TENM4: variants seen among roughly 807,000 people sequenced by gnomAD.
The protein encoded by TENM4 is teneurin transmembrane protein 4.
TENM4 carries 82 observed loss-of-function variants against 243.3 expected under a neutral mutation model. The observed-to-expected ratio is 0.34, with a 90% CI of 0.28 to 0.40. The LOEUF is 0.40. Among genes scored for constraint, TENM4 ranks in the 10% least tolerant of loss-of-function variants. The pLI, the probability that TENM4 is intolerant of heterozygous loss-of-function variation, is 1.00. For missense variants in TENM4, 3,138 were observed against 3,673.3 expected (o/e 0.85, Z 3.77); for synonymous variants, 1,412 against 1,456.3 (o/e 0.97, Z 0.69).
chr11:78,876,416 T>C (rs1224233020), intron 9 of TENM4, among the ~76,000 whole-genome samples: 1 of 152,250 alleles, frequency 6.6e-6, no homozygotes, highest in Non-Finnish European at 1.5e-5. Flanking sequence ...ATGTGGACTC[T>C]TCTGATACAG....
rs148704499 is a variant in TENM4, at chr11:79,154,455, T to C, written c.-162-5649A>G. Among the ~76,000 whole-genome samples, 861 of 151,862 alleles carry C rather than the reference T, an allele frequency of 5.7e-3. 12 individuals carry two copies. The highest frequency in any genetic ancestry group is 0.02 in the African/African-American group (809 of 41,430). ...CTAGGCCCACCTCCAACACTGGAGG[T>C]CACATTTCAACATGAGATTTGGAGG... On this transcript the variant is annotated intron_variant, in intron 3 of 33. Coordinates refer to ENST00000278550, the MANE Select transcript of TENM4 (RefSeq NM_001098816.3).
chr11:79,010,603 A>T (rs1858620156), intron 6 of TENM4, among the ~76,000 whole-genome samples: 1 of 152,294 alleles, frequency 6.6e-6, no homozygotes, highest in South Asian at 2.1e-4. Flanking sequence ...CACATCTTAC[A>T]TGGATGGTAG....
intron 4 of TENM4, among the ~76,000 whole-genome samples, chr11:79,120,045 C>T (rs1007218495): frequency 1.4e-4 from 22 of 152,158 alleles, no homozygotes; most frequent in Admixed American, 2.0e-4. Context: ...AGAAGCCAGA[C>T]GAGGCTTTGA....
chr11:78,814,204 C>T, intron 13 of TENM4, 90 bp downstream of exon 13: 2 of 1,275,474 alleles, frequency 1.6e-6, no homozygotes, highest in South Asian at 1.4e-5. Context: ...AGAAGGTGGG[C>T]TGGATTCTGC....
intron 6 of TENM4, among the ~76,000 whole-genome samples, chr11:79,056,459 C>A (rs1329160895): frequency 6.6e-6 from 1 of 152,036 alleles, no homozygotes; most frequent in African/African-American, 2.4e-5. Flanking sequence ...CTTAAAGGGA[C>A]TCCTAAGAAC....
rs371244879 is a variant in TENM4 at position 78,714,280 on chromosome 11, T to C, written c.3822-1566A>G. Among the ~76,000 whole-genome samples, 6 of 152,208 alleles carry C rather than the reference T, an allele frequency of 3.9e-5. No individual in the cohort carries two copies. The East Asian group carries it at 9.6e-4, about 24-fold the overall frequency. Reference sequence around the variant, plus strand: ...CCCTATGAAGGCTGGGGCACCATAATCTTTTCAGTATGTAAGTCACTGAAG... The same window carrying C: ...CCCTATGAAGGCTGGGGCACCATAACCTTTTCAGTATGTAAGTCACTGAAG... On this transcript the variant is annotated intron_variant, in intron 25 of 33. Coordinates refer to ENST00000278550, the MANE Select transcript of TENM4 (RefSeq NM_001098816.3).
intron 2 of TENM4, among the ~76,000 whole-genome samples, chr11:79,230,504 G>T: frequency 6.6e-6 from 1 of 152,168 alleles, no homozygotes; most frequent in East Asian, 1.9e-4. Context: ...AAGGAGTGGG[G>T]TCCAGCCTCT....
intron 32 of TENM4, among the ~76,000 whole-genome samples, chr11:78,664,081 C>T (rs78305638): frequency 6.6e-6 from 1 of 152,144 alleles, no homozygotes; most frequent in African/African-American, 2.4e-5. Flanking sequence ...CCCCAACTTA[C>T]AAACTGTGTG....
At chr11:78,716,706 C>T (rs1285661094) in intron 25 of TENM4, among the ~76,000 whole-genome samples, 2 of 152,232 alleles carry the variant, frequency 1.3e-5, no homozygotes, top group East Asian at 1.9e-4. Flanking sequence ...GACTTGGAGG[C>T]ACAGCCAGAT....
chr11:78,846,290 A>G (rs980443701), intron 12 of TENM4, among the ~76,000 whole-genome samples: 15 of 152,146 alleles, frequency 9.9e-5, no homozygotes, highest in African/African-American at 3.6e-4. Flanking sequence ...ATCTTTACAT[A>G]TGTGTATATA....
chr11:78,895,610 C>T (rs1251671627), intron 7 of TENM4, among the ~76,000 whole-genome samples: 1 of 152,128 alleles, frequency 6.6e-6, no homozygotes, highest in Non-Finnish European at 1.5e-5. Context: ...AAACAAATGC[C>T]CACCTTTCTT....
rs74627904 is a variant in TENM4, at chr11:78,851,771, C to T, written c.1681+2333G>A. 6.5e-3 allele frequency among the ~76,000 whole-genome samples: 986 copies of T among 152,274 alleles called. 8 individuals are homozygous for T. Among genetic ancestry groups the T allele is most frequent in the African/African-American group, 0.022 (909 of 41,566 alleles). ...GCCAAGTGACAGCCTAACAAGATGA[C>T]GGCCAGACTGGGGCCTCTGATGACA... is the stretch of plus-strand genomic sequence containing the variant. On this transcript the variant is annotated intron_variant, in intron 12 of 33. Transcript: ENST00000278550.
At chr11:78,914,897 C>T (rs1225992643) in intron 6 of TENM4, among the ~76,000 whole-genome samples, 1 of 152,248 alleles carries the variant, frequency 6.6e-6, no homozygotes, top group Non-Finnish European at 1.5e-5. Flanking sequence ...CATTGGTGCC[C>T]CAGCCTGCCG....
At chr11:78,917,956 A>T (rs538592005) in intron 6 of TENM4, among the ~76,000 whole-genome samples, 1 of 152,182 alleles carries the variant, frequency 6.6e-6, no homozygotes, top group African/African-American at 2.4e-5. Flanking sequence ...AAGAACACGC[A>T]TGACACACAG....
chr11:78,892,119 T>C (rs1191720782), intron 7 of TENM4, among the ~76,000 whole-genome samples: 1 of 152,216 alleles, frequency 6.6e-6, no homozygotes, highest in Non-Finnish European at 1.5e-5. Context: ...CAAAAGAGGA[T>C]GCTCTTTGTT....
At chr11:79,378,138 A>G (rs1165123899) in intron 1 of TENM4, among the ~76,000 whole-genome samples, 2 of 152,226 alleles carry the variant, frequency 1.3e-5, no homozygotes, top group Non-Finnish European at 2.9e-5. Context: ...CCACCTGAAA[A>G]TGTCAAGGTT....
At chr11:78,974,230 A>C (rs995545223) in intron 6 of TENM4, among the ~76,000 whole-genome samples, 1 of 152,212 alleles carries the variant, frequency 6.6e-6, no homozygotes, top group African/African-American at 2.4e-5. Context: ...ACATATTACA[A>C]CCGATTTTGA....
intron 23 of TENM4, 96 bp downstream of exon 23, chr11:78,725,983 G>T (rs1855501701): frequency 1.3e-5 from 19 of 1,512,410 alleles, no homozygotes; most frequent in Non-Finnish European, 1.6e-5. Context: ...GAGCCTATGG[G>T]ATTCAAAATG....
chr11:78,785,744 A>G (rs1008658132), intron 16 of TENM4, among the ~76,000 whole-genome samples: 1 of 152,212 alleles, frequency 6.6e-6, no homozygotes, highest in Non-Finnish European at 1.5e-5. Context: ...GGCAGGGACC[A>G]AGGATACAAA....
Sources: gnomAD v4.1 joint callset for allele counts (sites outside exome capture counted in the v4.1 genomes callset) on GRCh38, gnomAD v4.1.1 for gene constraint, MANE v1.5 for transcripts, NCBI Gene and HGNC (gene_info 2026-07-23, HGNC 2026-07-21) for gene names.